Variants in KCNIP4 observed in about 807,000 individuals in gnomAD.
KCNIP4 encodes the protein potassium voltage-gated channel interacting protein 4, also known as Kv channel-interacting protein 4.
Under a neutral mutation model 34.0 loss-of-function variants are expected in KCNIP4, and 12 were observed. The observed-to-expected ratio is 0.35, with a 90% CI of 0.23 to 0.57. The LOEUF is 0.57. Among genes scored for constraint, KCNIP4 ranks in the 20% least tolerant of loss-of-function variants. The pLI is 0.83. For synonymous variants in KCNIP4, 124 were observed against 102.2 expected, an observed-to-expected ratio of 1.21 and a Z score of -1.29; for missense variants, 238 against 311.7, an observed-to-expected ratio of 0.76 and a Z score of 1.78.
At chr4:21,105,277 A>C (rs1234517265) in intron 1 of KCNIP4, among the ~76,000 whole-genome samples, 2 of 151,550 alleles carry the variant, frequency 1.3e-5, no homozygotes, top group African/African-American at 2.4e-5. Context: ...TTCATTGAGC[A>C]GTGGTTTGCA....
At chr4:20,948,969 G>A (rs1193234523) in intron 1 of KCNIP4, among the ~76,000 whole-genome samples, 1 of 152,088 alleles carries the variant, frequency 6.6e-6, no homozygotes, top group Non-Finnish European at 1.5e-5. Flanking sequence ...ACCATTTAAT[G>A]GAATCCCTGC....
chr4:20,810,923 GA>G (rs1331880832), intron 3 of KCNIP4, among the ~76,000 whole-genome samples: 2 of 152,114 alleles, frequency 1.3e-5, no homozygotes, highest in Admixed American at 6.5e-5. Flanking sequence ...AGGGATTTGG[GA>G]AGTTAGCGTA....
At chr4:20,897,644 G>T (rs548116435) in intron 1 of KCNIP4, among the ~76,000 whole-genome samples, 34 of 152,022 alleles carry the variant, frequency 2.2e-4, no homozygotes, top group Non-Finnish European at 4.6e-4. Flanking sequence ...CAATATGATT[G>T]GTGTCCTTAA....
chr4:21,467,312 C>T (rs374276057), intron 1 of KCNIP4, among the ~76,000 whole-genome samples: 13 of 152,136 alleles, frequency 8.5e-5, no homozygotes, highest in African/African-American at 2.9e-4. Context: ...CTGCAGCCAA[C>T]TTCCAAAAAT....
Position 20,880,454 on chromosome 4 carries a change from T to C in KCNIP4, c.163+2154A>G, listed in dbSNP as rs531839461. Among the ~76,000 whole-genome samples the C allele has an allele frequency of 3.3e-5, 5 of 152,302 alleles. No homozygotes were observed. The East Asian group carries it at 7.7e-4, about 24-fold the overall frequency. The stretch of plus-strand genomic sequence containing the variant: ...CAATCCCATTAGTATTTAAAGTGAT[T>C]CTGATCATTTTTTTAGTATTTTCTA... On this transcript the variant is annotated intron_variant, in intron 2 of 8. Coordinates refer to ENST00000382152, the MANE Select transcript of KCNIP4 (RefSeq NM_025221.6).
At chr4:21,927,517 G>C (rs781300686) in intron 1 of KCNIP4, among the ~76,000 whole-genome samples, 3 of 152,128 alleles carry the variant, frequency 2.0e-5, no homozygotes, top group Non-Finnish European at 4.4e-5. Context: ...CTAGAAATTA[G>C]AGCGCAAAAG....
intron 1 of KCNIP4, among the ~76,000 whole-genome samples, chr4:21,570,977 A>G (rs556250126): frequency 1.3e-5 from 2 of 152,222 alleles, no homozygotes; most frequent in South Asian, 4.1e-4. Flanking sequence ...CTCAAGTCTG[A>G]CCCTAGATTT....
chr4:21,517,607 A>G (rs1227155451), intron 1 of KCNIP4, among the ~76,000 whole-genome samples: 1 of 151,990 alleles, frequency 6.6e-6, no homozygotes, highest in Non-Finnish European at 1.5e-5. Flanking sequence ...GATTTTTTTT[A>G]TCCTGCCTAA....
intron 1 of KCNIP4, among the ~76,000 whole-genome samples, chr4:21,597,127 T>C (rs1742712552): frequency 6.6e-6 from 1 of 152,116 alleles, no homozygotes; most frequent in Non-Finnish European, 1.5e-5. Context: ...TCTTGAATTG[T>C]AGCTCCCATA....
chr4:20,951,799 A>T (rs1224462742), intron 1 of KCNIP4, among the ~76,000 whole-genome samples: 1 of 152,240 alleles, frequency 6.6e-6, no homozygotes, highest in Non-Finnish European at 1.5e-5. Flanking sequence ...TTACTTAAGT[A>T]GTTGAAGATA....
chr4:20,730,114 G>T lies in KCNIP4; in HGVS notation c.721C>A (p.Arg241Ser). 1.2e-6 allele frequency: 2 copies of T among 1,607,830 alleles called. No homozygotes were observed. Among genetic ancestry groups the T allele is most frequent in the Non-Finnish European group, 1.7e-6 (2 of 1,177,774 alleles). ...ESCQKDENIM[R>S]SMQLFENVI ...ACATTTTCAAAGAGCTGCATGGAGC[G>T]CATTATGTTTTCATCCTGTAAGGGA... The change falls in exon 9 of 9, where the codon CGC (arginine) becomes AGC (serine). Residue 241 changes from arginine to serine, a missense_variant. Arg to Ser is a moderately radical substitution (Grantham distance 110). Coordinates refer to ENST00000382152, the MANE Select transcript of KCNIP4 (RefSeq NM_025221.6).
intron 1 of KCNIP4, among the ~76,000 whole-genome samples, chr4:21,244,808 G>T (rs557613991): frequency 1.3e-5 from 2 of 152,278 alleles, no homozygotes; most frequent in East Asian, 1.9e-4. Context: ...ACTTTAAGAT[G>T]CTAAGTCCTC....
chr4:20,957,135 C>T (rs997882785), intron 1 of KCNIP4, among the ~76,000 whole-genome samples: 1 of 152,140 alleles, frequency 6.6e-6, no homozygotes. Context: ...GGCTAAATAA[C>T]TCACTCAGCA....
chr4:21,450,814 A>G lies in KCNIP4; in HGVS notation c.61+497757T>C, dbSNP rs16871085. On this transcript the variant is annotated intron_variant, in intron 1 of 8. Transcript: ENST00000382152. ...ATAAGAACCAAATATAAGCACGTGCAGATACTTTGAAAAGTTTAATTTCCT... is the reference window on the plus strand; with the variant it reads ...ATAAGAACCAAATATAAGCACGTGCGGATACTTTGAAAAGTTTAATTTCCT... Among the ~76,000 whole-genome samples the G allele has an allele frequency of 0.016, 2,498 of 152,266 alleles. 142 individuals carry two copies. In the East Asian group the frequency reaches 0.17, roughly 11 times the overall value.
Position 20,758,906 on chromosome 4 carries a change from GA to G in KCNIP4, c.289-17del, listed in dbSNP as rs769284952. On this transcript the variant is annotated splice_polypyrimidine_tract_variant and intron_variant, in intron 3 of 8. Transcript: ENST00000382152. ...TGGGGCATTCCTAGGGAAAGTGGCA[GA>G]GAAGCAATATGAGCAAAGTGTTCAT... 1.2e-6 allele frequency: 2 copies of G among 1,608,778 alleles called. No individual in the cohort carries two copies. Among genetic ancestry groups the G allele is most frequent in the East Asian group, 2.2e-5 (1 of 44,788 alleles).
Position 21,205,620 on chromosome 4 carries a change from T to G in KCNIP4, c.62-322911A>C, listed in dbSNP as rs186394567. Reference sequence around the variant, plus strand: ...TAACAAATACTTAAAACTTACCACGTGCTTTACAAATACTAACTCCTTTGT... The same window carrying G: ...TAACAAATACTTAAAACTTACCACGGGCTTTACAAATACTAACTCCTTTGT... On this transcript the variant is annotated intron_variant, in intron 1 of 8. Transcript: ENST00000382152. Among the ~76,000 whole-genome samples, 228 of 152,346 alleles carry G rather than the reference T, an allele frequency of 1.5e-3. 1 individual carries two copies. Among genetic ancestry groups the G allele is most frequent in the Admixed American group, 3.5e-3 (54 of 15,302 alleles).
chr4:21,924,752 A>G (rs1729138959), intron 1 of KCNIP4, among the ~76,000 whole-genome samples: 1 of 152,084 alleles, frequency 6.6e-6, no homozygotes, highest in Non-Finnish European at 1.5e-5. Context: ...CTCACAGTGG[A>G]AAGAGTTATT....
chr4:21,402,170 C>T (rs1007082134), intron 1 of KCNIP4, among the ~76,000 whole-genome samples: 2 of 152,116 alleles, frequency 1.3e-5, no homozygotes, highest in Admixed American at 6.5e-5. Context: ...AATTATTTGT[C>T]TTCTTCAAAT....
At chr4:21,204,244 T>C (rs1410199955) in intron 1 of KCNIP4, among the ~76,000 whole-genome samples, 1 of 152,192 alleles carries the variant, frequency 6.6e-6, no homozygotes, top group Admixed American at 6.5e-5. Context: ...GGGGAAAGGA[T>C]TGAATCTGAT....
Sources: gnomAD v4.1 joint callset for allele counts (sites outside exome capture counted in the v4.1 genomes callset) on GRCh38, gnomAD v4.1.1 for gene constraint, MANE v1.5 for transcripts, NCBI Gene and HGNC (gene_info 2026-07-23, HGNC 2026-07-21) for gene names.